ZBTB8A: variants seen among roughly 807,000 people sequenced by gnomAD.
The protein encoded by ZBTB8A is zinc finger and BTB domain-containing protein 8A.
ZBTB8A carries 19 observed loss-of-function variants against 37.8 expected under a neutral mutation model. That is an observed-to-expected ratio of 0.50 (90% CI 0.35 to 0.74). The LOEUF (loss-of-function observed/expected upper bound fraction) is 0.74. Ranked by LOEUF, ZBTB8A falls within the 30% of genes least tolerant of loss-of-function variation. The pLI is 0.01. For missense variants in ZBTB8A, 394 were observed against 537.8 expected (o/e 0.73, Z 2.65); for synonymous variants, 181 against 185.2 (o/e 0.98, Z 0.19).
chr1:32,599,956 C>G (rs1644563306), intron 4 of ZBTB8A, 131 bp from the exon 5 acceptor site: 2 of 679,766 alleles, frequency 2.9e-6, no homozygotes, highest in Non-Finnish European at 4.8e-6. Flanking sequence ...TGATCTTTCT[C>G]TAAATAATAG....
In ZBTB8A at chr1:32,604,442, T is replaced by A. The variant is rs1354329636; in HGVS notation, c.*4023T>A. On this transcript the variant is annotated 3_prime_UTR_variant, in exon 5 of 5. Transcript: ENST00000373510. Reference sequence around the variant, plus strand: ...CATGGAATTAGACAACTTCCTGAATTCCCTTTGAGCCTTGCAGCCTCATTT... The same window carrying A: ...CATGGAATTAGACAACTTCCTGAATACCCTTTGAGCCTTGCAGCCTCATTT... The A allele has an allele frequency of 6.6e-6, 1 of 152,210 alleles. No homozygotes were observed. The highest frequency in any genetic ancestry group is 1.5e-5 in the Non-Finnish European group (1 of 68,040). The allele number at this position is 152,210 out of a possible 1,614,324, so 9.4% of individuals were successfully genotyped here. A position where few individuals can be genotyped will look rare whatever the true frequency, so the allele number is the denominator to read the frequency against.
intron 2 of ZBTB8A, among the ~76,000 whole-genome samples, chr1:32,589,780 G>C: frequency 6.6e-6 from 1 of 151,986 alleles, no homozygotes; most frequent in East Asian, 1.9e-4. Flanking sequence ...TCAAACTCCT[G>C]ACCTCAGGTG....
At chr1:32,580,186 G>A (rs1273396249) in intron 2 of ZBTB8A, among the ~76,000 whole-genome samples, 1 of 151,960 alleles carries the variant, frequency 6.6e-6, no homozygotes, top group African/African-American at 2.4e-5. Flanking sequence ...AGCCAAGATC[G>A]CACCACTGCA....
intron 1 of ZBTB8A, among the ~76,000 whole-genome samples, chr1:32,547,632 A>G (rs1427152965): frequency 6.7e-6 from 1 of 149,414 alleles, no homozygotes; most frequent in Admixed American, 6.7e-5. Flanking sequence ...ATCTCAAAAA[A>G]AAAAAAAAAA....
chr1:32,558,580 A>T (rs572383072), intron 2 of ZBTB8A, among the ~76,000 whole-genome samples: 20 of 152,204 alleles, frequency 1.3e-4, no homozygotes, highest in Admixed American at 4.6e-4. Context: ...TGTGCCATTC[A>T]TTTACTTATT....
chr1:32,561,702 A>G (rs1026125998), intron 2 of ZBTB8A, among the ~76,000 whole-genome samples: 2 of 151,292 alleles, frequency 1.3e-5, no homozygotes, highest in South Asian at 2.1e-4. Flanking sequence ...CAGCCCCTGT[A>G]TGTGTCTTCT....
intron 1 of ZBTB8A, among the ~76,000 whole-genome samples, chr1:32,551,970 C>T (rs535245448): frequency 3.0e-4 from 45 of 152,194 alleles, no homozygotes; most frequent in Non-Finnish European, 5.9e-4. Context: ...ACATTGATGA[C>T]ATTTGGAGGA....
At chr1:32,591,904 C>T (rs565708974) in intron 2 of ZBTB8A, among the ~76,000 whole-genome samples, 14 of 152,060 alleles carry the variant, frequency 9.2e-5, no homozygotes, top group Admixed American at 3.3e-4. Context: ...GAGTGCATGG[C>T]GCAACCTCGG....
chr1:32,596,688 A>G (rs1173979045), intron 4 of ZBTB8A, among the ~76,000 whole-genome samples: 7 of 152,158 alleles, frequency 4.6e-5, no homozygotes, highest in African/African-American at 1.7e-4. Context: ...CTTCCAACTT[A>G]GTGTTTTTAC....
chr1:32,556,957 G>A (rs1318446246), intron 2 of ZBTB8A, among the ~76,000 whole-genome samples: 1 of 152,072 alleles, frequency 6.6e-6, no homozygotes, highest in East Asian at 1.9e-4. Context: ...AATTTTCCGT[G>A]TCAGTAGAGT....
chr1:32,584,611 G>A (rs759876880), intron 2 of ZBTB8A, among the ~76,000 whole-genome samples: 1 of 148,836 alleles, frequency 6.7e-6, no homozygotes, highest in Non-Finnish European at 1.5e-5. Flanking sequence ...TCCTGGGCTC[G>A]AGGGGTCCTG....
intron 3 of ZBTB8A, among the ~76,000 whole-genome samples, chr1:32,594,285 AAAT>A (rs1298011900): frequency 2.0e-5 from 3 of 152,196 alleles, no homozygotes; most frequent in Admixed American, 6.6e-5. Context: ...ATGACAATCA[AAAT>A]AATAAGAATA....
At chr1:32,557,862 C>T (rs537297562) in intron 2 of ZBTB8A, among the ~76,000 whole-genome samples, 3 of 152,260 alleles carry the variant, frequency 2.0e-5, no homozygotes, top group East Asian at 3.9e-4. Flanking sequence ...ATTTCCTGAG[C>T]GTATATCCAG....
In ZBTB8A at chr1:32,600,333, G is replaced by C. The variant is rs749976034; in HGVS notation, c.1240G>C (p.Glu414Gln). 7 of 1,614,138 alleles carry C rather than the reference G, an allele frequency of 4.3e-6. No homozygotes were observed. Among genetic ancestry groups the C allele is most frequent in the Non-Finnish European group, 5.1e-6 (6 of 1,180,024 alleles). The stretch of plus-strand genomic sequence containing the variant: ...GAATAGATCCTATGTGGAGATTGTA[G>C]AAGATGGGTCTGCTGATCTGGTCAT... ...DENRSYVEIV[E>Q]DGSADLVIQQ... Residue 414 changes from glutamate to glutamine, a missense_variant, in exon 5 of 5, where the codon GAA (glutamate) becomes CAA (glutamine). Physicochemically the swap from Glu to Gln is conservative, Grantham distance 29 (BLOSUM62 2). Around this residue, in one of 4 missense-constraint regions of ZBTB8A, gnomAD observed 85 missense variants for 89.0 expected, o/e 0.95. Transcript: ENST00000373510.
At chr1:32,544,460 G>T (rs1334058994) in intron 1 of ZBTB8A, among the ~76,000 whole-genome samples, 1 of 152,250 alleles carries the variant, frequency 6.6e-6, no homozygotes, top group Non-Finnish European at 1.5e-5. Flanking sequence ...CACTTTGGGA[G>T]CCCAAGGTGG....
rs1309310469 is a variant in ZBTB8A, at chr1:32,605,798, C to T, written c.*5379C>T. On this transcript the variant is annotated 3_prime_UTR_variant, in exon 5 of 5. Coordinates refer to ENST00000373510, the MANE Select transcript of ZBTB8A (RefSeq NM_001040441.3). ...ATATAATGATCACATTTTCTGAATC[C>T]TAGACCATCAGCCTAATTCACTGAG... is the stretch of plus-strand genomic sequence containing the variant. The T allele has an allele frequency of 6.6e-6, 1 of 151,256 alleles. No homozygotes were observed. The highest frequency in any genetic ancestry group is 1.5e-5 in the Non-Finnish European group (1 of 67,946). The allele number at this position is 151,256 out of a possible 1,614,324, so 9.4% of individuals were successfully genotyped here. A position where few individuals can be genotyped will look rare whatever the true frequency, so the allele number is the denominator to read the frequency against.
chr1:32,588,858 C>T (rs540482852), intron 2 of ZBTB8A, among the ~76,000 whole-genome samples: 1 of 151,996 alleles, frequency 6.6e-6, no homozygotes, highest in Non-Finnish European at 1.5e-5. Flanking sequence ...GTAGCATGCA[C>T]CTGTAATCCT....
chr1:32,554,193 G>C (rs1342670387), intron 2 of ZBTB8A, among the ~76,000 whole-genome samples: 1 of 120,164 alleles, frequency 8.3e-6, no homozygotes, highest in Non-Finnish European at 1.6e-5. Flanking sequence ...GAGCAAGACT[G>C]TCTCCAAAAA....
intron 2 of ZBTB8A, among the ~76,000 whole-genome samples, chr1:32,568,552 A>G (rs1243467120): frequency 6.6e-6 from 1 of 151,918 alleles, no homozygotes; most frequent in Non-Finnish European, 1.5e-5. Context: ...ACGCCCGGCT[A>G]ATTTTTTATG....
Sources: gnomAD v4.1 joint callset for allele counts (sites outside exome capture counted in the v4.1 genomes callset) on GRCh38, gnomAD v4.1.1 for gene constraint, gnomAD v4.1.1 regional missense constraint, MANE v1.5 for transcripts, NCBI Gene and HGNC (gene_info 2026-07-23, HGNC 2026-07-21) for gene names.